CFTR: variants seen among roughly 807,000 people sequenced by gnomAD.
CFTR encodes cystic fibrosis transmembrane conductance regulator.
In CFTR, 181 loss-of-function variants were observed where a neutral mutation model predicts 171.6. The observed-to-expected ratio is 1.05, with a 90% CI of 0.93 to 1.19. The LOEUF (loss-of-function observed/expected upper bound fraction) is 1.19, where lower values mean the gene tolerates loss of function less well. Ranked by LOEUF, CFTR falls within the 50% of genes most tolerant of loss-of-function variation. CFTR has a pLI of 0.00. For missense variants in CFTR, 1,968 were observed against 1,734.7 expected (o/e 1.13, Z -2.39); for synonymous variants, 583 against 608.0 (o/e 0.96, Z 0.60).
At chr7:117,560,257 C>A (rs1799440041) in intron 11 of CFTR, among the ~76,000 whole-genome samples, 1 of 152,006 alleles carries the variant, frequency 6.6e-6, no homozygotes, top group Non-Finnish European at 1.5e-5. Flanking sequence ...GGAGAATGAG[C>A]TAATTATCTG....
At chr7:117,660,938 A>T (rs1352814567) in intron 24 of CFTR, among the ~76,000 whole-genome samples, 1 of 152,100 alleles carries the variant, frequency 6.6e-6, no homozygotes, top group South Asian at 2.1e-4. Context: ...CTGTCAGAGT[A>T]CCTAGAATTT....
Position 117,612,617 on chromosome 7 carries a change from C to T in CFTR, c.3367+809C>T, listed in dbSNP as rs528845212. On this transcript the variant is annotated intron_variant, in intron 20 of 26. Transcript: ENST00000003084. ...TGGCAGAGCAAATGCCAAATCAATG[C>T]CAAATCTGTAGGATCATTTGATTGT... Among the ~76,000 whole-genome samples the T allele has an allele frequency of 3.3e-5, 5 of 152,106 alleles. No individual in the cohort carries two copies. The East Asian group carries it at 5.8e-4, about 18-fold the overall frequency.
At chr7:117,539,279 T>C (rs1002998393) in intron 7 of CFTR, among the ~76,000 whole-genome samples, 2 of 152,178 alleles carry the variant, frequency 1.3e-5, no homozygotes, top group African/African-American at 4.8e-5. Flanking sequence ...ATAATTTCCA[T>C]TTGCATTTCA....
intron 17 of CFTR, among the ~76,000 whole-genome samples, chr7:117,605,217 A>G (rs1237795524): frequency 6.6e-6 from 1 of 152,180 alleles, no homozygotes. Context: ...TTGAAATATA[A>G]TAAGCACCAG....
rs397508416 is a variant in CFTR, at chr7:117,603,531, G to C, written c.2658-1G>C. On this transcript the variant is annotated splice_acceptor_variant, in intron 16 of 26. Coordinates refer to ENST00000003084, the MANE Select transcript of CFTR (RefSeq NM_000492.4). LOFTEE classifies it high-confidence loss of function. The stretch of plus-strand genomic sequence containing the variant: ...ATAACGATTTCCTATTTGCTTTACA[G>C]CACTCCTCTTCAAGACAAAGGGAAT... The C allele has an allele frequency of 1.2e-6, 2 of 1,613,842 alleles. No homozygotes were observed. The highest frequency in any genetic ancestry group is 1.1e-5 in the South Asian group (1 of 91,062).
rs1016064415 is a variant in CFTR, at chr7:117,641,521, T to C, written c.3718-917T>C. 2.6e-5 allele frequency among the ~76,000 whole-genome samples: 4 copies of C among 152,188 alleles called. No homozygotes were observed. Among genetic ancestry groups the C allele is most frequent in the Non-Finnish European group, 5.9e-5 (4 of 68,028 alleles). Reference sequence around the variant, plus strand: ...GGCCAAATGACTTAAAAACAAATTATGTAAGGAGAAGGAAACAACCATTTA... The same window carrying C: ...GGCCAAATGACTTAAAAACAAATTACGTAAGGAGAAGGAAACAACCATTTA... On this transcript the variant is annotated intron_variant, in intron 22 of 26. Transcript: ENST00000003084.
intron 4 of CFTR, among the ~76,000 whole-genome samples, chr7:117,533,771 T>C (rs1443959274): frequency 6.6e-6 from 1 of 152,188 alleles, no homozygotes; most frequent in Non-Finnish European, 1.5e-5. Flanking sequence ...ATTGCATTTT[T>C]CTTTGTAAAA....
intron 14 of CFTR, 45 bp downstream of exon 14, chr7:117,592,702 T>C: frequency 6.9e-7 from 1 of 1,457,860 alleles, no homozygotes; most frequent in Non-Finnish European, 9.0e-7. Context: ...CAGAATGCAA[T>C]TGAGTAGAAT....
At chr7:117,644,188 A>T (rs75204847) in intron 23 of CFTR, among the ~76,000 whole-genome samples, 3,180 of 152,066 alleles carry the variant, frequency 0.021, 123 homozygotes, top group African/African-American at 0.073. Context: ...ATATGTGTTT[A>T]TGATGCTGGT....
intron 9 of CFTR, among the ~76,000 whole-genome samples, chr7:117,542,795 T>A (rs1799078998): frequency 6.6e-6 from 1 of 152,136 alleles, no homozygotes; most frequent in Non-Finnish European, 1.5e-5. Flanking sequence ...AGAATATTAA[T>A]ATTTACCTTG....
rs397508792 is a variant in CFTR, at chr7:117,535,411, G to C, written c.743G>C (p.Arg248Thr). The C allele has an allele frequency of 5.0e-6, 8 of 1,613,836 alleles. No homozygotes were observed. Among genetic ancestry groups the C allele is most frequent in the Non-Finnish European group, 6.8e-6 (8 of 1,179,898 alleles). ...AGLGRMMMKYRDQRAGKISER... is the reference protein window; with the variant it reads ...AGLGRMMMKYTDQRAGKISER... ...CTAGGGAGAATGATGATGAAGTACA[G>C]GTAGCAACCTATTTTCATAACTTGA... is the stretch of plus-strand genomic sequence containing the variant. The change falls in exon 6 of 27, where the codon AGA becomes ACA. Residue 248 changes from arginine to threonine, a missense_variant and splice_region_variant. Physicochemically the swap from Arg to Thr is moderately conservative, Grantham distance 71 (BLOSUM62 -1). Transcript: ENST00000003084.
intron 21 of CFTR, among the ~76,000 whole-genome samples, chr7:117,622,311 A>T (rs1584828048): frequency 1.3e-5 from 2 of 152,128 alleles, no homozygotes; most frequent in Non-Finnish European, 2.9e-5. Flanking sequence ...TCTTGCTATT[A>T]TCTCTTAAGT....
intron 2 of CFTR, among the ~76,000 whole-genome samples, chr7:117,505,173 A>C (rs1196511773): frequency 6.6e-6 from 1 of 152,206 alleles, no homozygotes; most frequent in East Asian, 1.9e-4. Context: ...ACTGAGGCTC[A>C]GAGAGATAAT....
intron 24 of CFTR, among the ~76,000 whole-genome samples, chr7:117,664,094 GT>G (rs1014347937): frequency 1.3e-5 from 2 of 152,004 alleles, no homozygotes; most frequent in African/African-American, 4.8e-5. Context: ...GTTACAGTTA[GT>G]TTTTATGAAT....
At chr7:117,651,595 A>T (rs1793091329) in intron 23 of CFTR, among the ~76,000 whole-genome samples, 1 of 152,138 alleles carries the variant, frequency 6.6e-6, no homozygotes, top group South Asian at 2.1e-4. Flanking sequence ...TCTGTAAAGC[A>T]ATGTAGGTAC....
At chr7:117,577,076 GAAATTAAATTTTT>G (rs1465749853) in intron 11 of CFTR, among the ~76,000 whole-genome samples, 4 of 152,136 alleles carry the variant, frequency 2.6e-5, no homozygotes, top group African/African-American at 9.7e-5. Flanking sequence ...CTTTACAGAG[GAAATTAAATTTTT>G]ATTGATCTTG....
intron 21 of CFTR, among the ~76,000 whole-genome samples, chr7:117,622,444 C>T (rs1357954359): frequency 6.6e-6 from 1 of 151,994 alleles, no homozygotes; most frequent in Non-Finnish European, 1.5e-5. Context: ...ATTTAAAAGC[C>T]CTAAATCTCC....
At chr7:117,524,930 A>G (rs1321896528) in intron 3 of CFTR, among the ~76,000 whole-genome samples, 1 of 152,186 alleles carries the variant, frequency 6.6e-6, no homozygotes, top group African/African-American at 2.4e-5. Context: ...AAATTTAAAA[A>G]CCTCAAAAAC....
In CFTR at chr7:117,483,908, A is replaced by G. The variant is rs368527032; in HGVS notation, c.53+3761A>G. On this transcript the variant is annotated intron_variant, in intron 1 of 26. Transcript: ENST00000003084. ...ACAGTGCTTAATGAAGAGAAATATA[A>G]GTGCTTTGAGCAATGGAAGTATAAT... is the stretch of plus-strand genomic sequence containing the variant. 3.9e-5 allele frequency among the ~76,000 whole-genome samples: 6 copies of G among 152,292 alleles called. No homozygotes were observed. The East Asian group carries it at 1.2e-3, about 29-fold the overall frequency.
Sources: allele counts gnomAD v4.1 joint callset (sites outside exome capture counted in the v4.1 genomes callset), GRCh38; gene constraint gnomAD v4.1.1; transcripts MANE v1.5; gene names NCBI Gene and HGNC (gene_info 2026-07-23, HGNC 2026-07-21).